Variants in TUSC3 observed in about 807,000 individuals in gnomAD.
The protein encoded by TUSC3 is dolichyl-diphosphooligosaccharide--protein glycosyltransferase subunit TUSC3.
In TUSC3, 45 loss-of-function variants were observed where a neutral mutation model predicts 44.8. The ratio of observed to expected loss-of-function variants is 1.00; its 90% CI spans 0.79 to 1.29. The LOEUF is 1.29. TUSC3 is among the 50% of genes most tolerant of loss of function. The probability of loss-of-function intolerance (pLI) is 0.00; values close to 1 mark genes in which losing one functional copy is unlikely to be tolerated. For missense variants in TUSC3, 519 were observed against 437.9 expected (o/e 1.19, Z -1.65); for synonymous variants, 212 against 152.9 (o/e 1.39, Z -2.85).
At chr8:15,780,877 T>C in the TUSC3 span, among the ~76,000 whole-genome samples, 2 of 152,106 alleles carry the variant, frequency 1.3e-5, no homozygotes, top group African/African-American at 4.8e-5. Context: ...AGTGAAAAGA[T>C]AGAGGGTATG....
intron 10 of TUSC3, among the ~76,000 whole-genome samples, chr8:15,763,447 T>C (rs1812233562): frequency 6.6e-6 from 1 of 151,984 alleles, no homozygotes; most frequent in African/African-American, 2.4e-5. Context: ...AATTTCATTT[T>C]TGCTTTTATA....
At chr8:15,616,548 G>A (rs924265720) in intron 1 of TUSC3, among the ~76,000 whole-genome samples, 5 of 152,364 alleles carry the variant, frequency 3.3e-5, no homozygotes, top group African/African-American at 1.2e-4. Context: ...CTGCCCTCCA[G>A]CCTGTGTGAC....
At chr8:15,727,323 G>A (rs1461152401) in intron 6 of TUSC3, among the ~76,000 whole-genome samples, 1 of 152,136 alleles carries the variant, frequency 6.6e-6, no homozygotes, top group Non-Finnish European at 1.5e-5. Flanking sequence ...TACTCTTATA[G>A]CTTTTGGTGT....
intron 1 of TUSC3, among the ~76,000 whole-genome samples, chr8:15,573,553 C>G (rs1029963057): frequency 1.3e-5 from 2 of 152,020 alleles, no homozygotes; most frequent in Non-Finnish European, 1.5e-5. Context: ...TCTCCTTCCC[C>G]CCTCATCCCT....
At chr8:15,567,994 C>T (rs890417182) in intron 1 of TUSC3, among the ~76,000 whole-genome samples, 1 of 152,096 alleles carries the variant, frequency 6.6e-6, no homozygotes, top group Non-Finnish European at 1.5e-5. Context: ...ATGTTAACAA[C>T]CCCCTTTTCT....
At chr8:15,644,668 G>C (rs1400194824) in intron 2 of TUSC3, among the ~76,000 whole-genome samples, 2 of 152,068 alleles carry the variant, frequency 1.3e-5, no homozygotes, top group Non-Finnish European at 2.9e-5. Flanking sequence ...AGTATGCATA[G>C]GGTCTTTGTT....
At chr8:15,531,287 G>A (rs541155529) in intron 2 of TUSC3, among the ~76,000 whole-genome samples, 4 of 152,270 alleles carry the variant, frequency 2.6e-5, no homozygotes, top group Middle Eastern at 3.4e-3. Flanking sequence ...TAGAGACACA[G>A]TCTTGCTCTG....
chr8:15,463,122 C>G (rs1363064859), intron 1 of TUSC3, among the ~76,000 whole-genome samples: 4 of 151,776 alleles, frequency 2.6e-5, no homozygotes, highest in Admixed American at 1.3e-4. Flanking sequence ...TTCTGGTTTA[C>G]AGACATTTAG....
intron 1 of TUSC3, among the ~76,000 whole-genome samples, chr8:15,456,527 A>T (rs1451230426): frequency 1.3e-5 from 2 of 152,202 alleles, no homozygotes; most frequent in African/African-American, 4.8e-5. Context: ...TACGAAGTTA[A>T]ACTAATTAAT....
intron 2 of TUSC3, among the ~76,000 whole-genome samples, chr8:15,626,675 C>T (rs753531211): frequency 1.1e-4 from 16 of 152,202 alleles, no homozygotes; most frequent in South Asian, 2.1e-4. Flanking sequence ...TCTCTCCCTG[C>T]TCTTGGTGGC....
intron 2 of TUSC3, among the ~76,000 whole-genome samples, chr8:15,645,126 C>G (rs1806565976): frequency 6.6e-6 from 1 of 152,086 alleles, no homozygotes; most frequent in Admixed American, 6.5e-5. Context: ...TTTTCTTCTC[C>G]TCCAATATAT....
intron 1 of TUSC3, among the ~76,000 whole-genome samples, chr8:15,578,654 A>C (rs1456009627): frequency 6.6e-6 from 1 of 151,770 alleles, no homozygotes; most frequent in Non-Finnish European, 1.5e-5. Flanking sequence ...CTTGTGTCCC[A>C]GGGATGAAGC....
At chr8:15,548,087 C>G (rs1801935525) in intron 1 of TUSC3, among the ~76,000 whole-genome samples, 1 of 151,650 alleles carries the variant, frequency 6.6e-6, no homozygotes, top group Admixed American at 6.6e-5. Flanking sequence ...TGCTGGAACT[C>G]TGATCTTGGA....
chr8:15,675,860 A>G (rs994714840), intron 6 of TUSC3, among the ~76,000 whole-genome samples: 4 of 152,098 alleles, frequency 2.6e-5, no homozygotes, highest in Non-Finnish European at 4.4e-5. Context: ...AGTTGCTTCC[A>G]TATCTTTGGT....
At chr8:15,607,313 T>A (rs746661872) in intron 1 of TUSC3, among the ~76,000 whole-genome samples, 8 of 152,118 alleles carry the variant, frequency 5.3e-5, no homozygotes, top group African/African-American at 1.9e-4. Flanking sequence ...TAGAGACAGT[T>A]CTAGGCTCTC....
intron 2 of TUSC3, among the ~76,000 whole-genome samples, chr8:15,645,051 A>G (rs1222636811): frequency 1.3e-5 from 2 of 152,128 alleles, no homozygotes; most frequent in Admixed American, 1.3e-4. Flanking sequence ...TAATATTTTA[A>G]TAGTCTCATA....
Position 15,510,158 on chromosome 8 carries a change from C to T in TUSC3, n.189+26675C>T, listed in dbSNP as rs572223054. 2.0e-3 allele frequency among the ~76,000 whole-genome samples: 305 copies of T among 152,058 alleles called. 1 individual carries two copies. Among genetic ancestry groups the T allele is most frequent in the Admixed American group, 5.8e-3 (89 of 15,268 alleles). On this transcript the variant is annotated intron_variant and non_coding_transcript_variant, in intron 2 of 5. Transcript: ENST00000503191. ...ACTGAAGAAAGATCTAAAATCAGTG[C>T]CTTTAGATTAATACATTTGCAAATC...
chr8:15,691,818 G>A (rs1020409998), intron 6 of TUSC3, among the ~76,000 whole-genome samples: 9 of 151,472 alleles, frequency 5.9e-5, no homozygotes, highest in African/African-American at 2.2e-4. Flanking sequence ...TCGCTCTGTT[G>A]CCTAGGCTGG....
At chr8:15,800,194 G>A in the TUSC3 span, among the ~76,000 whole-genome samples, 1 of 152,118 alleles carries the variant, frequency 6.6e-6, no homozygotes, top group Non-Finnish European at 1.5e-5. Flanking sequence ...AAAACATAGA[G>A]AAACTTACAT....
Sources: allele counts gnomAD v4.1 joint callset (sites outside exome capture counted in the v4.1 genomes callset), GRCh38; gene constraint gnomAD v4.1.1; transcripts MANE v1.5; gene names NCBI Gene and HGNC (gene_info 2026-07-23, HGNC 2026-07-21).